DNAAF5: variants seen among roughly 807,000 people sequenced by gnomAD.
DNAAF5 encodes the protein HEAT repeat containing 2.
DNAAF5 carries 64 observed loss-of-function variants against 75.8 expected under a neutral mutation model. The observed-to-expected ratio is 0.84, with a 90% CI of 0.69 to 1.04. The LOEUF (loss-of-function observed/expected upper bound fraction) is 1.04, where lower values mean the gene tolerates loss of function less well. Ranked by LOEUF, DNAAF5 falls within the 50% of genes least tolerant of loss-of-function variation. The pLI, the probability that DNAAF5 is intolerant of heterozygous loss-of-function variation, is 0.00. For synonymous variants in DNAAF5, 657 were observed against 557.2 expected (o/e 1.18, Z -2.52); for missense variants, 1,269 against 1,178.5 (o/e 1.08, Z -1.12).
chr7:780,081 C>T lies in DNAAF5; in HGVS notation c.2368C>T (p.Leu790=). 6.2e-7 allele frequency: 1 copy of T among 1,614,240 alleles called. No homozygotes were observed. The highest frequency in any genetic ancestry group is 8.5e-7 in the Non-Finnish European group (1 of 1,180,030). Residue 790 remains leucine (L), a synonymous_variant, in exon 12 of 13, where the codon CTG becomes TTG. Transcript: ENST00000297440. ...KSYYQSSVQY[L]YRELLVHLDD... is the part of the protein sequence containing the mutation. ...CTACTATCAGAGCAGTGTCCAGTAC[C>T]TGTACCGAGAGTTGCTGGTTCACCT...
intron 6 of DNAAF5, 43 bp from the exon 7 acceptor site, chr7:761,710 C>T (rs779735695): frequency 9.6e-6 from 15 of 1,558,424 alleles, no homozygotes; most frequent in Admixed American, 1.9e-5. Flanking sequence ...GGGGACACGA[C>T]CAAATTGTAC....
Position 727,108 on chromosome 7 carries a change from C to G in DNAAF5, c.388C>G (p.Pro130Ala). The G allele has an allele frequency of 9.1e-7, 1 of 1,101,970 alleles. No individual in the cohort carries two copies. The highest frequency in any genetic ancestry group is 4.1e-5 in the South Asian group (1 of 24,344). 68.3% of individuals were successfully genotyped at this position (1,101,970 alleles called of 1,614,324 possible). Reference sequence around the variant, plus strand: ...CGCCGCGCGCTTGGCCGGCCCCGTGCCCGCGCGCCGCCCGCCCGAGGCCTG... The same window carrying G: ...CGCCGCGCGCTTGGCCGGCCCCGTGGCCGCGCGCCGCCCGCCCGAGGCCTG... ...ALAARLAGPV[P>A]ARRPPEACEE... Residue 130 changes from proline (P) to alanine (A), a missense_variant, in exon 1 of 13, where the codon CCC (proline) becomes GCC (alanine). Transcript: ENST00000297440.
At chr7:727,344 G>T (rs1283404863) in intron 1 of DNAAF5, 29 bp downstream of exon 1, 2 of 1,165,610 alleles carry the variant, frequency 1.7e-6, no homozygotes, top group Non-Finnish European at 2.1e-6. Flanking sequence ...GCTCCCACAC[G>T]CCACCCCACA....
chr7:747,706 T>G (rs1034591771), intron 4 of DNAAF5, among the ~76,000 whole-genome samples: 13 of 96,142 alleles, frequency 1.4e-4, no homozygotes, highest in South Asian at 5.1e-4. Context: ...TGGCCCACGG[T>G]GTTGGTGGGG....
chr7:744,569 G>T (rs930228111), intron 4 of DNAAF5, among the ~76,000 whole-genome samples: 8 of 152,088 alleles, frequency 5.3e-5, no homozygotes, highest in African/African-American at 7.2e-5. Flanking sequence ...ATGATCACTG[G>T]CCATCAGAGA....
Position 770,607 on chromosome 7 carries a change from C to T in DNAAF5, c.1920C>T (p.Ile640=), listed in dbSNP as rs1288629059. Residue 640 remains isoleucine (I), a synonymous_variant, in exon 9 of 13, where the codon ATC becomes ATT. Transcript: ENST00000297440. ...TGCTGCTCAGAGCCACGGACACCAT[C>T]AACTCCCAGGGGTAGGTCCGGGCTC... ...STVLLRATDT[I]NSQGQFPSYL... 3 of 1,613,614 alleles carry T rather than the reference C, an allele frequency of 1.9e-6. No individual in the cohort carries two copies. Among genetic ancestry groups the T allele is most frequent in the Non-Finnish European group, 2.5e-6 (3 of 1,179,942 alleles).
chr7:759,324 A>G (rs954805185), intron 6 of DNAAF5, among the ~76,000 whole-genome samples: 2 of 152,190 alleles, frequency 1.3e-5, no homozygotes, highest in Non-Finnish European at 2.9e-5. Context: ...AGCAGTAGGT[A>G]CTTCCAGGTG....
intron 12 of DNAAF5, among the ~76,000 whole-genome samples, chr7:780,826 C>CTT (rs201445917): frequency 1.8e-4 from 23 of 131,264 alleles, no homozygotes; most frequent in African/African-American, 4.8e-4. Flanking sequence ...TTTTTTTTTT[C>CTT]TTTTTTTTTT....
At chr7:735,099 G>A (rs1435128212) in intron 2 of DNAAF5, among the ~76,000 whole-genome samples, 1 of 150,462 alleles carries the variant, frequency 6.6e-6, no homozygotes, top group African/African-American at 2.5e-5. Flanking sequence ...TGCTCATGGT[G>A]TTCTTCATGG....
chr7:739,311 C>T (rs968056090), intron 2 of DNAAF5, among the ~76,000 whole-genome samples: 4 of 152,222 alleles, frequency 2.6e-5, no homozygotes, highest in South Asian at 2.1e-4. Context: ...CCTGGATTAG[C>T]GTCGTGGCAG....
chr7:740,764 A>G lies in DNAAF5; in HGVS notation c.781-55A>G, dbSNP rs115674720. ...GCACTCAGAGCCGCACCGTGGCGTCAGCCCCGGCATCCCCTTTGCCTACAC... is the reference window on the plus strand; with the variant it reads ...GCACTCAGAGCCGCACCGTGGCGTCGGCCCCGGCATCCCCTTTGCCTACAC... On this transcript the variant is annotated intron_variant, in intron 2 of 12. Transcript: ENST00000297440. 4,317 of 1,604,544 alleles carry G rather than the reference A, an allele frequency of 2.7e-3. 106 individuals are homozygous for G. In the African/African-American group the frequency reaches 0.051, roughly 19 times the overall value.
At chr7:738,074 C>G (rs1781791300) in intron 2 of DNAAF5, among the ~76,000 whole-genome samples, 1 of 152,178 alleles carries the variant, frequency 6.6e-6, no homozygotes, top group African/African-American at 2.4e-5. Flanking sequence ...GGCTATTTTC[C>G]AGATGCTGTA....
chr7:769,000 C>T, intron 8 of DNAAF5: 1 of 607,622 alleles, frequency 1.6e-6, no homozygotes, highest in Non-Finnish European at 3.0e-6. Flanking sequence ...TGCAACGCCT[C>T]CTGCCCGGCT....
In DNAAF5 at chr7:783,722, T is replaced by TC. The variant is rs1377716857; in HGVS notation, c.2432-1791dup. Among the ~76,000 whole-genome samples the TC allele has an allele frequency of 1.1e-4, 17 of 152,054 alleles. 2 individuals carry two copies. Among genetic ancestry groups the TC allele is most frequent in the Admixed American group, 1.0e-3 (16 of 15,262 alleles). Reference sequence around the variant, plus strand: ...GCCAGATCCACGCAACGCCCCCAGCTCCCCACACTCCCTGGCAAATCCCAG... The same window carrying TC: ...GCCAGATCCACGCAACGCCCCCAGCTCCCCCACACTCCCTGGCAAATCCCAG... On this transcript the variant is annotated intron_variant, in intron 12 of 12. Coordinates refer to ENST00000297440, the MANE Select transcript of DNAAF5 (RefSeq NM_017802.4).
intron 2 of DNAAF5, among the ~76,000 whole-genome samples, chr7:733,774 G>T (rs975852568): frequency 4.6e-5 from 7 of 152,224 alleles, no homozygotes; most frequent in Admixed American, 3.3e-4. Flanking sequence ...GATTACAGGT[G>T]TGAGCCACTG....
At chr7:756,060 G>A (rs1427356252) in intron 5 of DNAAF5, among the ~76,000 whole-genome samples, 2 of 93,874 alleles carry the variant, frequency 2.1e-5, no homozygotes, top group South Asian at 4.5e-4. Context: ...TGTGTGATCC[G>A]CTGTGGAATC....
intron 2 of DNAAF5, among the ~76,000 whole-genome samples, chr7:731,713 CATTAGT>C (rs1423864823): frequency 6.6e-6 from 1 of 151,912 alleles, no homozygotes; most frequent in African/African-American, 2.4e-5. Context: ...CGTCAGCTAT[CATTAGT>C]GTTAGTGTTA....
intron 2 of DNAAF5, among the ~76,000 whole-genome samples, chr7:733,663 A>G (rs1222991151): frequency 6.6e-6 from 1 of 151,834 alleles, no homozygotes; most frequent in Non-Finnish European, 1.5e-5. Context: ...CACCTGGCTA[A>G]TTTTTTGTGT....
intron 11 of DNAAF5, 103 bp from the exon 12 acceptor site, chr7:779,850 A>G (rs1778877121): frequency 1.0e-6 from 1 of 977,146 alleles, no homozygotes; most frequent in Non-Finnish European, 1.5e-6. Flanking sequence ...TTAGGACCCC[A>G]GGGCAGGTGT....
Sources: gnomAD v4.1 joint callset for allele counts (sites outside exome capture counted in the v4.1 genomes callset) on GRCh38, gnomAD v4.1.1 for gene constraint, MANE v1.5 for transcripts, NCBI Gene and HGNC (gene_info 2026-07-23, HGNC 2026-07-21) for gene names.